Variants in GRIN2B observed in about 807,000 individuals in gnomAD.
GRIN2B encodes the protein glutamate ionotropic receptor NMDA type subunit 2B.
GRIN2B carries 5 observed loss-of-function variants against 114.5 expected under a neutral mutation model. The ratio of observed to expected loss-of-function variants is 0.04; its 90% CI spans 0.02 to 0.09. The LOEUF (loss-of-function observed/expected upper bound fraction) is 0.09, where lower values mean the gene tolerates loss of function less well. Among genes scored for constraint, GRIN2B ranks in the 10% least tolerant of loss-of-function variants. GRIN2B has a pLI of 1.00. For missense variants in GRIN2B, 1,108 were observed against 1,943.5 expected (o/e 0.57, Z 8.08); for synonymous variants, 787 against 745.1 (o/e 1.06, Z -0.92).
chr12:13,738,098 C>T (rs1278657363), intron 4 of GRIN2B, among the ~76,000 whole-genome samples: 1 of 152,206 alleles, frequency 6.6e-6, no homozygotes, highest in Non-Finnish European at 1.5e-5. Context: ...AGGAGAAACA[C>T]TGTAAGATAA....
chr12:13,908,296 T>C (rs1305817045), intron 2 of GRIN2B, among the ~76,000 whole-genome samples: 1 of 151,986 alleles, frequency 6.6e-6, no homozygotes, highest in Non-Finnish European at 1.5e-5. Flanking sequence ...TCCTGGAAAC[T>C]GTTGTTAAAC....
Position 13,547,981 on chromosome 12 carries a change from A to ATATATATATTTTTTTTTTTTTTTTTT in GRIN2B, c.*14801_*14802insAAAAAAAAAAAAAAAAAATATATATA. On this transcript the variant is annotated 3_prime_UTR_variant, in exon 14 of 14. Transcript: ENST00000609686. ...TGTGTATATATATATATATATATATATTTTTTTTTTTTTTCTGAAAGCTAC... is the reference window on the plus strand; with the variant it reads ...TGTGTATATATATATATATATATATATATATATATTTTTTTTTTTTTTTTTTTTTTTTTTTTTTTTCTGAAAGCTAC... 14 of 68,576 alleles carry ATATATATATTTTTTTTTTTTTTTTTT rather than the reference A, an allele frequency of 2.0e-4. No individual in the cohort carries two copies. The highest frequency in any genetic ancestry group is 5.7e-4 in the East Asian group (1 of 1,740). 4.2% of individuals were successfully genotyped at this position (68,576 alleles called of 1,614,324 possible). A position where few individuals can be genotyped will look rare whatever the true frequency, so the allele number is the denominator to read the frequency against.
intron 2 of GRIN2B, among the ~76,000 whole-genome samples, chr12:13,935,555 A>C (rs926034072): frequency 6.6e-6 from 1 of 152,214 alleles, no homozygotes; most frequent in Non-Finnish European, 1.5e-5. Flanking sequence ...GATACTTACT[A>C]GTTGGATTTC....
At chr12:13,643,572 C>A (rs1541590) in intron 5 of GRIN2B, among the ~76,000 whole-genome samples, 151,361 of 152,186 alleles carry the variant, frequency 0.99, 75,273 homozygotes, top group Middle Eastern at 1. Flanking sequence ...TAAAACAACA[C>A]TGAAGTTTGC....
At chr12:13,688,903 T>C (rs1287190014) in intron 4 of GRIN2B, among the ~76,000 whole-genome samples, 1 of 152,210 alleles carries the variant, frequency 6.6e-6, no homozygotes, top group African/African-American at 2.4e-5. Context: ...CTTACCCTGT[T>C]TGATCTCTCC....
intron 10 of GRIN2B, among the ~76,000 whole-genome samples, chr12:13,591,942 A>C (rs1271919835): frequency 6.6e-6 from 1 of 152,138 alleles, no homozygotes; most frequent in Non-Finnish European, 1.5e-5. Context: ...TCCAAAAGAG[A>C]GCAGAACTTT....
intron 3 of GRIN2B, among the ~76,000 whole-genome samples, chr12:13,834,649 A>C (rs942355185): frequency 3.3e-5 from 5 of 152,174 alleles, no homozygotes; most frequent in African/African-American, 9.7e-5. Context: ...TCACAGGTGA[A>C]TATGCAGGGA....
intron 5 of GRIN2B, among the ~76,000 whole-genome samples, chr12:13,660,253 G>A (rs1261768493): frequency 6.6e-6 from 1 of 152,102 alleles, no homozygotes; most frequent in Non-Finnish European, 1.5e-5. Flanking sequence ...TGAATAACAC[G>A]AAGTACAATC....
At chr12:13,902,888 C>A (rs1213197112) in intron 2 of GRIN2B, among the ~76,000 whole-genome samples, 1 of 152,124 alleles carries the variant, frequency 6.6e-6, no homozygotes, top group Non-Finnish European at 1.5e-5. Context: ...AAGCCTGGCA[C>A]ACTTTTTTAG....
At position 13,541,239 on chromosome 12, in the gene GRIN2B, A is replaced by G. The variant is rs900622807; in HGVS notation, c.*21544T>C. 1.3e-5 allele frequency: 2 copies of G among 152,258 alleles called. No homozygotes were observed. Among genetic ancestry groups the G allele is most frequent in the Non-Finnish European group, 2.9e-5 (2 of 68,060 alleles). The allele number at this position is 152,258 out of a possible 1,614,324, so 9.4% of individuals were successfully genotyped here. A position where few individuals can be genotyped will look rare whatever the true frequency, so the allele number is the denominator to read the frequency against. On this transcript the variant is annotated 3_prime_UTR_variant, in exon 14 of 14. Coordinates refer to ENST00000609686, the MANE Select transcript of GRIN2B (RefSeq NM_000834.5). ...TCCACAAGCGTCAGGGCTACTCTGA[A>G]GTATTAATGCTGGGATAGTCACTGG...
chr12:13,881,201 C>T (rs949883864), intron 2 of GRIN2B, among the ~76,000 whole-genome samples: 3 of 152,266 alleles, frequency 2.0e-5, no homozygotes, highest in East Asian at 1.9e-4. Flanking sequence ...CTCCACTTGC[C>T]GCTTTTTTTC....
intron 3 of GRIN2B, among the ~76,000 whole-genome samples, chr12:13,805,065 T>C (rs1444898570): frequency 6.6e-6 from 1 of 152,220 alleles, no homozygotes; most frequent in Non-Finnish European, 1.5e-5. Flanking sequence ...ATTGTCCCCA[T>C]TTTATTTAGA....
At chr12:13,577,588 A>T (rs1202715312) in intron 10 of GRIN2B, among the ~76,000 whole-genome samples, 1 of 152,200 alleles carries the variant, frequency 6.6e-6, no homozygotes, top group African/African-American at 2.4e-5. Context: ...GGAAGTACGG[A>T]TCTGGTCCAT....
At position 13,870,872 on chromosome 12, in the gene GRIN2B, G is replaced by A. The variant is rs150063861; in HGVS notation, c.-18-4646C>T. Among the ~76,000 whole-genome samples the A allele has an allele frequency of 4.8e-4, 73 of 152,270 alleles. 1 individual carries two copies. The Middle Eastern group carries it at 0.01, about 21-fold the overall frequency. Reference sequence around the variant, plus strand: ...GGGAAACAATAATTCTCATACAATGGAAGTCAAGAAGAGTATAAACGAGTA... The same window carrying A: ...GGGAAACAATAATTCTCATACAATGAAAGTCAAGAAGAGTATAAACGAGTA... On this transcript the variant is annotated intron_variant, in intron 2 of 13. Transcript: ENST00000609686.
intron 4 of GRIN2B, among the ~76,000 whole-genome samples, chr12:13,678,681 C>A (rs34245298): frequency 6.6e-6 from 1 of 152,058 alleles, no homozygotes; most frequent in African/African-American, 2.4e-5. Flanking sequence ...CAGCCCAGAG[C>A]GGCTCACCCA....
rs777564086 is a variant in GRIN2B at position 13,616,495 on chromosome 12, T to G, written c.1288A>C (p.Met430Leu). The stretch of plus-strand genomic sequence containing the variant: ...TTTTGGCAGGGGACTGTGTTCCTCA[T>G]GCAGGTTCCACTCAGAGGGTCCACA... ...ESVDPLSGTC[M>L]RNTVPCQKRI... Residue 430 changes from methionine to leucine, a missense_variant, in exon 6 of 14, where the codon ATG becomes CTG. Met to Leu is a conservative substitution (Grantham distance 15). Transcript: ENST00000609686. 30 of 1,614,096 alleles carry G rather than the reference T, an allele frequency of 1.9e-5. No individual in the cohort carries two copies. The South Asian group carries it at 3.1e-4, about 17-fold the overall frequency.
At chr12:13,877,496 A>T (rs1459156221) in intron 2 of GRIN2B, among the ~76,000 whole-genome samples, 2 of 152,120 alleles carry the variant, frequency 1.3e-5, no homozygotes, top group Non-Finnish European at 2.9e-5. Context: ...GTAACTGAGC[A>T]CCTATTCGAA....
chr12:13,967,699 G>C (rs930155859), intron 2 of GRIN2B, among the ~76,000 whole-genome samples: 1 of 152,190 alleles, frequency 6.6e-6, no homozygotes, highest in Non-Finnish European at 1.5e-5. Context: ...GGGATGGATA[G>C]AGACACGATA....
At chr12:13,704,529 T>C (rs2136572415) in intron 4 of GRIN2B, among the ~76,000 whole-genome samples, 1 of 152,232 alleles carries the variant, frequency 6.6e-6, no homozygotes, top group South Asian at 2.1e-4. Context: ...TTCTTCTTGG[T>C]CATCACACCA....
Sources: allele counts gnomAD v4.1 joint callset (sites outside exome capture counted in the v4.1 genomes callset), GRCh38; gene constraint gnomAD v4.1.1; transcripts MANE v1.5; gene names NCBI Gene and HGNC (gene_info 2026-07-23, HGNC 2026-07-21).